CELF3: variants seen among roughly 807,000 people sequenced by gnomAD.
CELF3 encodes CAG repeat domain.
A neutral mutation model predicts 59.6 loss-of-function variants in CELF3; 26 were observed. The observed-to-expected ratio is 0.44, with a 90% CI of 0.32 to 0.61. CELF3 has a LOEUF of 0.61. Among genes scored for constraint, CELF3 ranks in the 20% least tolerant of loss-of-function variants. CELF3 has a pLI of 0.06. For missense variants in CELF3, 387 were observed against 627.2 expected (o/e 0.62, Z 4.09); for synonymous variants, 245 against 250.7 (o/e 0.98, Z 0.22).
intron 12 of CELF3, among the ~76,000 whole-genome samples, chr1:151,704,290 C>T (rs1046870117): frequency 7.9e-5 from 12 of 152,090 alleles, no homozygotes; most frequent in Non-Finnish European, 1.0e-4. Context: ...TGTGTTTTCT[C>T]AAGGGTTTGG....
rs567433968 is a variant in CELF3, at chr1:151,715,841, A to G, written c.145+35T>C. On this transcript the variant is annotated intron_variant, in intron 1 of 12. Coordinates refer to ENST00000290583, the MANE Select transcript of CELF3 (RefSeq NM_007185.7). ...TTAACTTCCCCCAGCCTCCCAGCCCACCCCGAAGCCTCTTCAGCCTGCCCG... is the reference window on the plus strand; with the variant it reads ...TTAACTTCCCCCAGCCTCCCAGCCCGCCCCGAAGCCTCTTCAGCCTGCCCG... 13 of 1,591,558 alleles carry G rather than the reference A, an allele frequency of 8.2e-6. No homozygotes were observed. The East Asian group carries it at 2.7e-4, about 33-fold the overall frequency.
Position 151,701,131 on chromosome 1 carries a change from AG to A in CELF3, c.*2327del, listed in dbSNP as rs1459957763. 64 of 152,274 alleles carry A rather than the reference AG, an allele frequency of 4.2e-4. No homozygotes were observed. The highest frequency in any genetic ancestry group is 1.5e-3 in the African/African-American group (61 of 41,458). 9.4% of individuals were successfully genotyped at this position (152,274 alleles called of 1,614,324 possible). A position where few individuals can be genotyped will look rare whatever the true frequency, so the allele number is the denominator to read the frequency against. ...AGTGTTGATGGCTGTGGAGATGCAG[AG>A]ACATGAGTAAGTAAATCAGCTGAAT... is the stretch of plus-strand genomic sequence containing the variant. On this transcript the variant is annotated 3_prime_UTR_variant, in exon 13 of 13. Coordinates refer to ENST00000290583, the MANE Select transcript of CELF3 (RefSeq NM_007185.7).
At chr1:151,704,300 G>T (rs1672331252) in intron 12 of CELF3, among the ~76,000 whole-genome samples, 1 of 152,172 alleles carries the variant, frequency 6.6e-6, no homozygotes, top group Non-Finnish European at 1.5e-5. Flanking sequence ...CAAGGGTTTG[G>T]TCCAAAGGAG....
chr1:151,712,289 C>T lies in CELF3; in HGVS notation c.228+2305G>A, dbSNP rs558550732. Among the ~76,000 whole-genome samples the T allele has an allele frequency of 2.6e-5, 4 of 152,338 alleles. No homozygotes were observed. The South Asian group carries it at 8.3e-4, about 32-fold the overall frequency. ...CCAGTATAGCCGAGCCCCTCCACCACGGTCACTTTTAAGGCCTTCATCTTT... is the reference window on the plus strand; with the variant it reads ...CCAGTATAGCCGAGCCCCTCCACCATGGTCACTTTTAAGGCCTTCATCTTT... On this transcript the variant is annotated intron_variant, in intron 2 of 12. Transcript: ENST00000290583.
chr1:151,715,972 G>A lies in CELF3; in HGVS notation c.49C>T (p.His17Tyr). 1 of 1,614,156 alleles carries A rather than the reference G, an allele frequency of 6.2e-7. No individual in the cohort carries two copies. Among genetic ancestry groups the A allele is most frequent in the African/African-American group, 1.3e-5 (1 of 75,076 alleles). The change falls in exon 1 of 13, where the codon CAT becomes TAT. Residue 17 changes from histidine to tyrosine, a missense_variant. Around this residue, in one of 3 missense-constraint regions of CELF3, gnomAD observed 208 missense variants for 354.8 expected, o/e 0.59. Coordinates refer to ENST00000290583, the MANE Select transcript of CELF3 (RefSeq NM_007185.7). ...GGCTTCAGGTCCTTCTCCTCCAGAT[G>A]CCTCGGGATCTGCCCCACAAACAGC... is the stretch of plus-strand genomic sequence containing the variant. Reference protein sequence around the residue: ...IKLFVGQIPRHLEEKDLKPIF... With the variant: ...IKLFVGQIPRYLEEKDLKPIF...
In CELF3 at chr1:151,700,607, T is replaced by G. The variant is rs930512829; in HGVS notation, c.*2852A>C. On this transcript the variant is annotated 3_prime_UTR_variant, in exon 13 of 13. Coordinates refer to ENST00000290583, the MANE Select transcript of CELF3 (RefSeq NM_007185.7). ...TTTATTAGCTGCAGTTTAGAAAGAT[T>G]GATGCTTCAGAACATAGACAGAAGG... Among the ~76,000 whole-genome samples, 6 of 152,152 alleles carry G rather than the reference T, an allele frequency of 3.9e-5. No homozygotes were observed. Among genetic ancestry groups the G allele is most frequent in the Admixed American group, 3.9e-4 (6 of 15,270 alleles).
In CELF3 at chr1:151,716,490, G is replaced by A. The variant is rs2101494493; in HGVS notation, c.-470C>T. 6.3e-6 allele frequency: 2 copies of A among 316,388 alleles called. No homozygotes were observed. Among genetic ancestry groups the A allele is most frequent in the South Asian group, 2.6e-5 (1 of 38,186 alleles). The allele number at this position is 316,388 out of a possible 1,614,324, so 19.6% of individuals were successfully genotyped here. A position where few individuals can be genotyped will look rare whatever the true frequency, so the allele number is the denominator to read the frequency against. ...GTTGCCAGCAGCGTCAGTAAGGGGG[G>A]CCCACTCCTGATGTGGGGCAGGTGA... On this transcript the variant is annotated 5_prime_UTR_variant, in exon 1 of 13. Coordinates refer to ENST00000290583, the MANE Select transcript of CELF3 (RefSeq NM_007185.7).
In CELF3 at chr1:151,705,794, C is replaced by CA; in HGVS notation, c.1270+27dup. The CA allele has an allele frequency of 1.2e-6, 2 of 1,611,080 alleles. No individual in the cohort carries two copies. The highest frequency in any genetic ancestry group is 8.5e-7 in the Non-Finnish European group (1 of 1,178,080). ...GACCTTGTCCTGATTTGGAGTATGG[C>CA]AAAAAATGTGCCATATCATATTCTT... On this transcript the variant is annotated intron_variant, in intron 11 of 12. Transcript: ENST00000290583. This position sits in a 1 kb window ranked among gnomAD's most constrained non-coding sequence, Gnocchi z 5.1.
rs1479344049 is a variant in CELF3 at position 151,707,545 on chromosome 1, G to A, written c.734C>T (p.Ala245Val). Residue 245 changes from alanine to valine, a missense_variant, in exon 7 of 13, where the codon GCC becomes GTC. Physicochemically the swap from Ala to Val is moderately conservative, Grantham distance 64. This residue lies in a region of CELF3 where 208 missense variants were observed against 354.8 expected (regional missense o/e 0.59). Transcript: ENST00000290583. ...VQMQHMAAIN[A>V]NGLIATPITP... ...GATGGGGGTGGCGATGAGGCCATTG[G>A]CATTGATGGCAGCCATGTGCTGCAT... 6.2e-7 allele frequency: 1 copy of A among 1,610,492 alleles called. No individual in the cohort carries two copies. Among genetic ancestry groups the A allele is most frequent in the Non-Finnish European group, 8.5e-7 (1 of 1,179,748 alleles).
chr1:151,711,250 G>A, intron 2 of CELF3: 1 of 192,258 alleles, frequency 5.2e-6, no homozygotes. Flanking sequence ...CCAGCATGTG[G>A]AGATCCTGTG....
chr1:151,710,082 G>T (rs1672887061), intron 2 of CELF3: 3 of 446,490 alleles, frequency 6.7e-6, no homozygotes, highest in Non-Finnish European at 1.2e-5. Context: ...GGAGAAGGGG[G>T]CCTGCACATA....
intron 8 of CELF3, 75 bp downstream of exon 8, chr1:151,707,070 G>A: frequency 7.2e-7 from 1 of 1,379,880 alleles, no homozygotes; most frequent in South Asian, 1.6e-5. Flanking sequence ...GGGAGGGAAG[G>A]TGTGTCCTGC....
At chr1:151,703,912 C>T (rs1027193433) in intron 12 of CELF3, among the ~76,000 whole-genome samples, 2 of 152,078 alleles carry the variant, frequency 1.3e-5, no homozygotes, top group African/African-American at 4.8e-5. Flanking sequence ...CCACCCCCGG[C>T]CCCCAGTTAG....
Position 151,705,740 on chromosome 1 carries a change from T to G in CELF3, c.1270+82A>C. ...TCAGTATTTCAAATACTGGGTCCAC[T>G]GTGACCATAAATGCCTTCAAATATA... On this transcript the variant is annotated intron_variant, in intron 11 of 12. Transcript: ENST00000290583. The surrounding 1 kb of genome is among the most constrained non-coding windows in gnomAD (Gnocchi z 5.1). 5 of 1,465,796 alleles carry G rather than the reference T, an allele frequency of 3.4e-6. No homozygotes were observed. In the Admixed American group the frequency reaches 9.1e-5, roughly 27 times the overall value. The allele number at this position is 1,465,796 out of a possible 1,614,324, so 90.8% of individuals were successfully genotyped here. A position where few individuals can be genotyped will look rare whatever the true frequency, so the allele number is the denominator to read the frequency against.
At chr1:151,714,992 C>T (rs1467473564) in intron 1 of CELF3, among the ~76,000 whole-genome samples, 1 of 152,004 alleles carries the variant, frequency 6.6e-6, no homozygotes, top group Admixed American at 6.5e-5. Context: ...TCCTGCTGAG[C>T]TGTTCTCCTT....
chr1:151,711,580 C>T (rs776183816), intron 2 of CELF3, among the ~76,000 whole-genome samples: 8 of 152,250 alleles, frequency 5.3e-5, no homozygotes, highest in African/African-American at 1.7e-4. Context: ...GCTCAATCTC[C>T]TTAGGCATGT....
At chr1:151,703,493 G>T (rs1571903489) in intron 12 of CELF3, 45 bp from the exon 13 acceptor site, 1 of 327,186 alleles carries the variant, frequency 3.1e-6, no homozygotes, top group East Asian at 7.8e-5. Flanking sequence ...AGAGACCCCC[G>T]ATGCGGATCA....
chr1:151,705,211 C>A lies in CELF3; in HGVS notation c.1271-43G>T. On this transcript the variant is annotated intron_variant, in intron 11 of 12. Transcript: ENST00000290583. The surrounding 1 kb of genome is among the most constrained non-coding windows in gnomAD (Gnocchi z 5.1). Reference sequence around the variant, plus strand: ...TAAGGCCCGGCCCAGCCCCACCTCGCTCTTCCGTGCTTAGGAGACCTCTGG... The same window carrying A: ...TAAGGCCCGGCCCAGCCCCACCTCGATCTTCCGTGCTTAGGAGACCTCTGG... 6.3e-7 allele frequency: 1 copy of A among 1,583,430 alleles called. No individual in the cohort carries two copies. Among genetic ancestry groups the A allele is most frequent in the African/African-American group, 1.3e-5 (1 of 74,596 alleles).
At chr1:151,706,584 C>T in intron 9 of CELF3, 85 bp downstream of exon 9, 2 of 1,412,602 alleles carry the variant, frequency 1.4e-6, no homozygotes, top group Non-Finnish European at 2.0e-6. Context: ...GGCAGGGAGC[C>T]AAGAAGCCCA....
Sources: gnomAD v4.1 joint callset for allele counts (sites outside exome capture counted in the v4.1 genomes callset) on GRCh38, gnomAD v4.1.1 for gene constraint, gnomAD v4.1.1 regional missense constraint, Gnocchi (gnomAD v3.1) non-coding constraint, MANE v1.5 for transcripts, NCBI Gene and HGNC (gene_info 2026-07-23, HGNC 2026-07-21) for gene names.